GABRA5: variants seen among roughly 807,000 people sequenced by gnomAD.
GABRA5 encodes gamma-aminobutyric acid receptor subunit alpha-5.
Under a neutral mutation model 47.3 loss-of-function variants are expected in GABRA5, and 18 were observed. The ratio of observed to expected loss-of-function variants is 0.38; its 90% CI spans 0.26 to 0.56. The LOEUF is 0.56. Ranked by LOEUF, GABRA5 falls within the 20% of genes least tolerant of loss-of-function variation. The pLI is 0.71. For synonymous variants in GABRA5, 237 were observed against 229.3 expected, an observed-to-expected ratio of 1.03 and a Z score of -0.30; for missense variants, 365 against 599.3, an observed-to-expected ratio of 0.61 and a Z score of 4.08.
intron 7 of GABRA5, among the ~76,000 whole-genome samples, chr15:26,918,434 A>C (rs150128248): frequency 4.0e-4 from 61 of 152,280 alleles, no homozygotes; most frequent in African/African-American, 1.4e-3. Context: ...GCTTTAGAAA[A>C]ATGTGTATTC....
rs188798694 is a variant in GABRA5 at position 26,908,738 on chromosome 15, G to T, written c.498-6065G>T. 2.4e-4 allele frequency among the ~76,000 whole-genome samples: 37 copies of T among 152,244 alleles called. No homozygotes were observed. In the East Asian group the frequency reaches 7.0e-3, roughly 29 times the overall value. On this transcript the variant is annotated intron_variant, in intron 6 of 10. Coordinates refer to ENST00000335625, the MANE Select transcript of GABRA5 (RefSeq NM_000810.4). The stretch of plus-strand genomic sequence containing the variant: ...TCACGGGTAGCATCTTCACAGGGAG[G>T]TCATGTTTCCAATAATTCCAGCTGA...
At chr15:26,893,809 A>G (rs1213796758) in intron 6 of GABRA5, among the ~76,000 whole-genome samples, 1 of 151,970 alleles carries the variant, frequency 6.6e-6, no homozygotes, top group Admixed American at 6.5e-5. Context: ...GCGAAGGTGG[A>G]GAGGCTGGGC....
At chr15:26,911,172 A>AATT (rs1354261613) in intron 6 of GABRA5, among the ~76,000 whole-genome samples, 3 of 10,474 alleles carry the variant, frequency 2.9e-4, no homozygotes, top group Admixed American at 1.5e-3. Context: ...TGAGGTTTAG[A>AATT]ATTCTAAGGG....
At position 26,869,196 on chromosome 15, in the gene GABRA5, G is replaced by A. The variant is rs2061780867; in HGVS notation, c.-53G>A. ...TCAGCTTCAAGAACAAGCTGGAGAA[G>A]GGAAGAGTTATTCCTCCATATTCAC... On this transcript the variant is annotated 5_prime_UTR_variant, in exon 3 of 11. Coordinates refer to ENST00000335625, the MANE Select transcript of GABRA5 (RefSeq NM_000810.4). 1.9e-6 allele frequency: 2 copies of A among 1,069,978 alleles called. No homozygotes were observed. The highest frequency in any genetic ancestry group is 2.5e-5 in the South Asian group (2 of 80,036). The allele number at this position is 1,069,978 out of a possible 1,614,324, so 66.3% of individuals were successfully genotyped here.
chr15:26,904,338 C>G (rs1893393080), intron 6 of GABRA5, among the ~76,000 whole-genome samples: 1 of 152,066 alleles, frequency 6.6e-6, no homozygotes. Context: ...ATTTTTGTAC[C>G]AGTACCATGC....
intron 6 of GABRA5, among the ~76,000 whole-genome samples, chr15:26,894,409 A>G (rs999221409): frequency 6.6e-5 from 10 of 152,044 alleles, no homozygotes; most frequent in African/African-American, 2.4e-4. Context: ...TCCCCGGGTG[A>G]GATGGTGCGG....
chr15:26,872,866 C>T (rs1023939149), intron 3 of GABRA5, among the ~76,000 whole-genome samples: 7 of 152,292 alleles, frequency 4.6e-5, no homozygotes, highest in Admixed American at 4.6e-4. Flanking sequence ...GTGATAAGTG[C>T]AATGTACTTG....
intron 6 of GABRA5, among the ~76,000 whole-genome samples, chr15:26,902,884 A>C (rs369091920): frequency 6.6e-6 from 1 of 152,162 alleles, no homozygotes; most frequent in Non-Finnish European, 1.5e-5. Context: ...CTTTTTCTGC[A>C]TCTATTAATA....
At chr15:26,941,447 A>C (rs1595437099) in intron 9 of GABRA5, among the ~76,000 whole-genome samples, 1 of 152,160 alleles carries the variant, frequency 6.6e-6, no homozygotes, top group Admixed American at 6.5e-5. Context: ...CTCAAAAAAA[A>C]AATCAAAGAT....
intron 4 of GABRA5, 127 bp downstream of exon 4, chr15:26,881,094 T>C (rs1440251560): frequency 3.9e-6 from 4 of 1,014,530 alleles, no homozygotes; most frequent in Non-Finnish European, 4.2e-6. Flanking sequence ...TTTGGTATGA[T>C]GGCTGTTCCA....
chr15:26,903,975 C>G (rs1893384639), intron 6 of GABRA5, among the ~76,000 whole-genome samples: 1 of 151,978 alleles, frequency 6.6e-6, no homozygotes, highest in African/African-American at 2.4e-5. Flanking sequence ...TTAATTAGAT[C>G]CCATTTGTTC....
In GABRA5 at chr15:26,930,350, C is replaced by G. The variant is rs571611234; in HGVS notation, c.581-6835C>G. On this transcript the variant is annotated intron_variant, in intron 7 of 10. Transcript: ENST00000335625. ...ACAATTCCATCTTTAAGTCATTTCCCTCTCCTCCCATTTTACAATAAGCTA... is the reference window on the plus strand; with the variant it reads ...ACAATTCCATCTTTAAGTCATTTCCGTCTCCTCCCATTTTACAATAAGCTA... 1.3e-4 allele frequency among the ~76,000 whole-genome samples: 20 copies of G among 152,226 alleles called. 1 individual carries two copies. In the South Asian group the frequency reaches 3.3e-3, roughly 25 times the overall value.
chr15:26,889,827 A>G (rs986794937), intron 6 of GABRA5, among the ~76,000 whole-genome samples: 1 of 152,234 alleles, frequency 6.6e-6, no homozygotes, highest in Admixed American at 6.5e-5. Context: ...AAGACCAAAG[A>G]GAATCAATGT....
At chr15:26,939,821 G>T (rs929572761) in intron 8 of GABRA5, 104 bp from the exon 9 acceptor site, 18 of 1,148,822 alleles carry the variant, frequency 1.6e-5, no homozygotes, top group Non-Finnish European at 2.2e-5. Flanking sequence ...ATGAATGCTT[G>T]TCCAAACCGA....
At chr15:26,869,474 AAT>A (rs1892409571) in intron 3 of GABRA5, 140 bp downstream of exon 3, 2 of 637,224 alleles carry the variant, frequency 3.1e-6, no homozygotes, top group Non-Finnish European at 5.7e-6. Flanking sequence ...GTTGTAAATA[AAT>A]GAAGTCATTG....
At chr15:26,922,869 T>G (rs1477662981) in intron 7 of GABRA5, among the ~76,000 whole-genome samples, 1 of 152,214 alleles carries the variant, frequency 6.6e-6, no homozygotes, top group African/African-American at 2.4e-5. Context: ...AATGCAATCC[T>G]CTAGACTCAG....
rs1282046830 is a variant in GABRA5, at chr15:26,867,150, C to T, written c.-140+39C>T. Reference sequence around the variant, plus strand: ...CGAGTGCGCCGGGGGCGCTGGGGGGCTCTGCGGCGGGCGGCGCGCGGCCCG... The same window carrying T: ...CGAGTGCGCCGGGGGCGCTGGGGGGTTCTGCGGCGGGCGGCGCGCGGCCCG... On this transcript the variant is annotated intron_variant, in intron 1 of 10. Coordinates refer to ENST00000335625, the MANE Select transcript of GABRA5 (RefSeq NM_000810.4). The surrounding 1 kb of genome is among the most constrained non-coding windows in gnomAD (Gnocchi z 5.9). The T allele has an allele frequency of 1.3e-5, 2 of 149,732 alleles. No individual in the cohort carries two copies. The highest frequency in any genetic ancestry group is 1.3e-4 in the Admixed American group (2 of 14,936). 9.3% of individuals were successfully genotyped at this position (149,732 alleles called of 1,614,324 possible).
intron 6 of GABRA5, among the ~76,000 whole-genome samples, chr15:26,903,324 A>G (rs1430655044): frequency 1.3e-5 from 2 of 152,162 alleles, no homozygotes; most frequent in African/African-American, 2.4e-5. Flanking sequence ...TCCATGGTGT[A>G]TATGTACCAC....
intron 9 of GABRA5, among the ~76,000 whole-genome samples, chr15:26,940,488 G>A (rs1894358968): frequency 6.6e-6 from 1 of 152,058 alleles, no homozygotes; most frequent in Admixed American, 6.6e-5. Flanking sequence ...TCCCTAATCT[G>A]AAAATCCGAA....
Sources: allele counts gnomAD v4.1 joint callset (sites outside exome capture counted in the v4.1 genomes callset), GRCh38; gene constraint gnomAD v4.1.1; non-coding constraint Gnocchi (gnomAD v3.1); transcripts MANE v1.5; gene names NCBI Gene and HGNC (gene_info 2026-07-23, HGNC 2026-07-21).